Variants in GABRA3 observed in about 807,000 individuals in gnomAD.
GABRA3 encodes gamma-aminobutyric acid type A receptor subunit alpha3, also known as gamma-aminobutyric acid receptor subunit alpha-3.
In GABRA3, 10 loss-of-function variants were observed where a neutral mutation model predicts 30.1. That is an observed-to-expected ratio of 0.33 (90% CI 0.20 to 0.56). The LOEUF (loss-of-function observed/expected upper bound fraction) is 0.56, where lower values mean the gene tolerates loss of function less well. Among genes scored for constraint, GABRA3 ranks in the 20% least tolerant of loss-of-function variants. The probability of loss-of-function intolerance (pLI) is 0.89; values close to 1 mark genes in which losing one functional copy is unlikely to be tolerated. For synonymous variants in GABRA3, 151 were observed against 146.8 expected (o/e 1.03, Z -0.21); for missense variants, 233 against 392.0 (o/e 0.59, Z 3.42).
At chrX:152,176,065 A>AAAAT (rs61560461) in intron 9 of GABRA3, among the ~76,000 whole-genome samples, 3,261 of 93,918 alleles carry the variant, frequency 0.035, 93 homozygotes, top group African/African-American at 0.069. Context: ...TTCCATCTCA[A>AAAAT]AAATAAATAA....
chrX:152,186,599 A>ATCTCTCTC (rs765821292), intron 9 of GABRA3, among the ~76,000 whole-genome samples: 9 of 96,342 alleles, frequency 9.3e-5, no homozygotes, highest in African/African-American at 2.7e-4. Context: ...TCCTTCCTTT[A>ATCTCTCTC]TCTCTCTCTC....
In GABRA3 at chrX:152,180,577, T is replaced by C. The variant is rs150240828; in HGVS notation, c.1143+9153A>G. Among the ~76,000 whole-genome samples, 22 of 112,490 alleles carry C rather than the reference T, an allele frequency of 2.0e-4. No homozygotes were observed. The East Asian group carries it at 5.9e-3, about 30-fold the overall frequency. On this transcript the variant is annotated intron_variant, in intron 9 of 9. Transcript: ENST00000370314. ...TAATCCCATTTGTCTATTTGTACTCTTGTTGCCTATGCTTTTGGGATCATA... is the reference window on the plus strand; with the variant it reads ...TAATCCCATTTGTCTATTTGTACTCCTGTTGCCTATGCTTTTGGGATCATA...
At chrX:152,444,478 TGAA>T (rs1460708799) in intron 1 of GABRA3, among the ~76,000 whole-genome samples, 1 of 111,372 alleles carries the variant, frequency 9.0e-6, no homozygotes, top group Non-Finnish European at 1.9e-5. Context: ...CAGGTCAGTA[TGAA>T]GAATAACTTG....
At chrX:152,316,314 A>G (rs914266298) in intron 3 of GABRA3, among the ~76,000 whole-genome samples, 9 of 111,470 alleles carry the variant, frequency 8.1e-5, no homozygotes, top group Admixed American at 9.5e-5. Context: ...CACAAAGAAA[A>G]AAGAATTAAA....
intron 1 of GABRA3, among the ~76,000 whole-genome samples, chrX:152,368,896 G>A (rs770348450): frequency 5.5e-5 from 6 of 109,703 alleles, no homozygotes; most frequent in Admixed American, 1.9e-4. Context: ...TAGTAGAGAC[G>A]GGGTTTCACC....
intron 6 of GABRA3, among the ~76,000 whole-genome samples, chrX:152,210,200 T>C (rs1478872131): frequency 1.8e-5 from 2 of 112,111 alleles, no homozygotes; most frequent in East Asian, 5.6e-4. Context: ...TAGCATAATT[T>C]TGATATATGA....
At chrX:152,210,888 A>G (rs1937623107) in intron 6 of GABRA3, among the ~76,000 whole-genome samples, 1 of 111,332 alleles carries the variant, frequency 9.0e-6, no homozygotes, top group Non-Finnish European at 1.9e-5. Flanking sequence ...AGAAAGGAAA[A>G]TCTTCTCAGA....
At chrX:152,299,435 G>T (rs988908364) in intron 3 of GABRA3, among the ~76,000 whole-genome samples, 6 of 110,425 alleles carry the variant, frequency 5.4e-5, no homozygotes, top group African/African-American at 2.0e-4. Context: ...GGGATAAGCG[G>T]GGAAGCAGGG....
intron 3 of GABRA3, among the ~76,000 whole-genome samples, chrX:152,328,910 G>A (rs1214765309): frequency 9.0e-6 from 1 of 111,675 alleles, no homozygotes; most frequent in African/African-American, 3.3e-5. Flanking sequence ...AAGTCAAATT[G>A]TCCCCATTTG....
chrX:152,295,654 C>T (rs1048929998), intron 3 of GABRA3, among the ~76,000 whole-genome samples: 7 of 112,642 alleles, frequency 6.2e-5, no homozygotes, highest in African/African-American at 1.9e-4. Context: ...TGCACATCCT[C>T]GGTGAGGCAA....
At chrX:152,193,079 T>C (rs1022740311) in intron 8 of GABRA3, among the ~76,000 whole-genome samples, 3 of 111,614 alleles carry the variant, frequency 2.7e-5, no homozygotes, top group Non-Finnish European at 5.6e-5. Flanking sequence ...CACAGTGTTG[T>C]TGTAACCTGA....
intron 3 of GABRA3, among the ~76,000 whole-genome samples, chrX:152,300,103 G>A (rs986750322): frequency 1.8e-5 from 2 of 111,607 alleles, no homozygotes; most frequent in Admixed American, 9.5e-5. Flanking sequence ...CAAACCCAAG[G>A]TAGCATAGAA....
In GABRA3 at chrX:152,296,691, C is replaced by T. The variant is rs1263834128; in HGVS notation, c.263-11956G>A. Among the ~76,000 whole-genome samples the T allele has an allele frequency of 1.2e-3, 128 of 109,096 alleles. 9 individuals carry two copies. The highest frequency in any genetic ancestry group is 3.8e-5 in the Non-Finnish European group (2 of 52,344). 94.7% of individuals were successfully genotyped at this position (109,096 alleles called of 115,157 possible). A position where few individuals can be genotyped will look rare whatever the true frequency, so the allele number is the denominator to read the frequency against. On this transcript the variant is annotated intron_variant, in intron 3 of 9. Coordinates refer to ENST00000370314, the MANE Select transcript of GABRA3 (RefSeq NM_000808.4). The stretch of plus-strand genomic sequence containing the variant: ...AAAACTTTGATAATCAGCTGCTTTT[C>T]CTTTTCTTTCTCTTTTTTTTTTTTT...
Position 152,400,489 on chromosome X carries a change from A to G in GABRA3, c.-26-35893T>C, listed in dbSNP as rs772146278. The stretch of plus-strand genomic sequence containing the variant: ...TCGCCACTGCACTCCCGCCTGGGCA[A>G]CACAGTAAGACCCTGTCTCAAAAAT... On this transcript the variant is annotated intron_variant, in intron 1 of 9. Coordinates refer to ENST00000370314, the MANE Select transcript of GABRA3 (RefSeq NM_000808.4). Among the ~76,000 whole-genome samples the G allele has an allele frequency of 1.5e-4, 17 of 111,449 alleles. No individual in the cohort carries two copies. In the South Asian group the frequency reaches 6.2e-3, roughly 40 times the overall value.
intron 3 of GABRA3, among the ~76,000 whole-genome samples, chrX:152,312,255 C>T (rs1288451816): frequency 1.8e-5 from 2 of 111,923 alleles, no homozygotes; most frequent in Non-Finnish European, 3.8e-5. Context: ...GCTACAATAA[C>T]CAAAACAGTA....
intron 3 of GABRA3, among the ~76,000 whole-genome samples, chrX:152,330,245 C>T (rs915965221): frequency 1.8e-5 from 2 of 111,884 alleles, no homozygotes; most frequent in East Asian, 2.8e-4. Flanking sequence ...TTTTACACTG[C>T]TGGTGGGACT....
At chrX:152,409,995 G>A (rs933532850) in intron 1 of GABRA3, among the ~76,000 whole-genome samples, 6 of 112,375 alleles carry the variant, frequency 5.3e-5, no homozygotes, top group Admixed American at 2.8e-4. Flanking sequence ...TAAAGGAAAT[G>A]TGGGACATAT....
At chrX:152,388,666 T>C (rs889958003) in intron 1 of GABRA3, among the ~76,000 whole-genome samples, 2 of 112,473 alleles carry the variant, frequency 1.8e-5, no homozygotes, top group Non-Finnish European at 3.8e-5. Flanking sequence ...AAACATGTCA[T>C]AATAGTGCTG....
At chrX:152,331,433 C>T (rs1455877586) in intron 3 of GABRA3, among the ~76,000 whole-genome samples, 1 of 111,382 alleles carries the variant, frequency 9.0e-6, no homozygotes, top group Non-Finnish European at 1.9e-5. Flanking sequence ...CACTAACCAG[C>T]TCATGGACAT....
Sources: allele counts gnomAD v4.1 joint callset (sites outside exome capture counted in the v4.1 genomes callset), GRCh38; gene constraint gnomAD v4.1.1; transcripts MANE v1.5; gene names NCBI Gene and HGNC (gene_info 2026-07-23, HGNC 2026-07-21).